The following FRMPD4 variants were observed in gnomAD, a reference collection of about 807,000 sequenced individuals.
The protein encoded by FRMPD4 is FERM and PDZ domain containing 4.
FRMPD4 carries 22 observed loss-of-function variants against 94.1 expected under a neutral mutation model. That is an observed-to-expected ratio of 0.23 (90% CI 0.17 to 0.33). FRMPD4 has a LOEUF of 0.33. Ranked by LOEUF, FRMPD4 falls within the 10% of genes least tolerant of loss-of-function variation. The pLI, the probability that FRMPD4 is intolerant of heterozygous loss-of-function variation, is 1.00. For missense variants in FRMPD4, 1,111 were observed against 1,339.9 expected (o/e 0.83, Z 2.67); for synonymous variants, 631 against 548.6 (o/e 1.15, Z -2.10).
At chrX:12,522,428 G>A (rs1170087772) in intron 2 of FRMPD4, among the ~76,000 whole-genome samples, 2 of 111,074 alleles carry the variant, frequency 1.8e-5, no homozygotes, top group African/African-American at 6.6e-5. Context: ...GGCTTTGAAG[G>A]ACCACATAGA....
intron 2 of FRMPD4, among the ~76,000 whole-genome samples, chrX:12,560,673 G>T (rs926408044): frequency 1.0e-5 from 1 of 100,339 alleles, no homozygotes; most frequent in Non-Finnish European, 2.0e-5. Flanking sequence ...ATTGGCATGT[G>T]TATATTTTTT....
At chrX:12,003,720 T>A (rs1353855851) in intron 3 of FRMPD4, among the ~76,000 whole-genome samples, 1 of 112,511 alleles carries the variant, frequency 8.9e-6, no homozygotes, top group Non-Finnish European at 1.9e-5. Flanking sequence ...AAGTATATAT[T>A]GAGATTCTGT....
intron 3 of FRMPD4, among the ~76,000 whole-genome samples, chrX:11,890,752 C>T (rs1475591675): frequency 8.9e-6 from 1 of 112,536 alleles, no homozygotes; most frequent in East Asian, 2.8e-4. Flanking sequence ...ATTGCATGCT[C>T]TTAATTATGG....
intron 1 of FRMPD4, among the ~76,000 whole-genome samples, chrX:12,384,179 G>C (rs1241539960): frequency 1.8e-5 from 2 of 111,695 alleles, no homozygotes; most frequent in African/African-American, 6.5e-5. Flanking sequence ...TCGTATTGTA[G>C]AATTTGACCT....
chrX:12,050,953 A>G (rs986873911), intron 3 of FRMPD4, among the ~76,000 whole-genome samples: 3 of 111,811 alleles, frequency 2.7e-5, no homozygotes, highest in Non-Finnish European at 3.8e-5. Context: ...ATAAATTGTG[A>G]TACATTACTA....
intron 2 of FRMPD4, among the ~76,000 whole-genome samples, chrX:12,553,971 A>T (rs2058567947): frequency 9.0e-6 from 1 of 111,714 alleles, no homozygotes; most frequent in Admixed American, 9.6e-5. Context: ...TATGGTGGAC[A>T]TAGGTTTTGT....
chrX:12,359,743 C>T (rs1234265458), intron 1 of FRMPD4, among the ~76,000 whole-genome samples: 1 of 112,136 alleles, frequency 8.9e-6, no homozygotes, highest in East Asian at 2.8e-4. Context: ...GCTGGGATTA[C>T]AGGCGTGAGC....
intron 3 of FRMPD4, among the ~76,000 whole-genome samples, chrX:11,963,216 G>T (rs189293903): frequency 3.8e-4 from 43 of 112,521 alleles, no homozygotes; most frequent in African/African-American, 1.4e-3. Flanking sequence ...GAGGGCTGGA[G>T]CCACTCACTC....
In FRMPD4 at chrX:12,407,720, G is replaced by A. The variant is rs144795660; in HGVS notation, c.42-90960G>A. On this transcript the variant is annotated intron_variant, in intron 1 of 16. Coordinates refer to ENST00000675598, the MANE Select transcript of FRMPD4 (RefSeq NM_001368397.1). Reference sequence around the variant, plus strand: ...TTTAGCTTTGCAAATCATGTAAGCCGTCACAGCTACTTAACTTTGCTCTTA... The same window carrying A: ...TTTAGCTTTGCAAATCATGTAAGCCATCACAGCTACTTAACTTTGCTCTTA... Among the ~76,000 whole-genome samples, 532 of 111,641 alleles carry A rather than the reference G, an allele frequency of 4.8e-3. 1 individual carries two copies. Among genetic ancestry groups the A allele is most frequent in the Middle Eastern group, 0.014 (3 of 218 alleles).
chrX:12,238,400 A>G (rs2057095110), intron 1 of FRMPD4, among the ~76,000 whole-genome samples: 3 of 111,645 alleles, frequency 2.7e-5, no homozygotes, highest in Admixed American at 1.9e-4. Flanking sequence ...CAGCCTCCCA[A>G]AGTGCTGGGA....
chrX:12,672,197 G>C (rs888266628), intron 4 of FRMPD4, among the ~76,000 whole-genome samples: 4 of 112,253 alleles, frequency 3.6e-5, no homozygotes, highest in Non-Finnish European at 7.5e-5. Context: ...TCTGTCCGTG[G>C]AAGGTGATGT....
chrX:12,359,571 G>T (rs1239924422), intron 1 of FRMPD4, among the ~76,000 whole-genome samples: 1 of 109,011 alleles, frequency 9.2e-6, no homozygotes, highest in African/African-American at 3.4e-5. Flanking sequence ...AGGTTTGAGC[G>T]ATTCTCCTGC....
intron 1 of FRMPD4, among the ~76,000 whole-genome samples, chrX:12,380,761 G>A (rs914873087): frequency 8.9e-6 from 1 of 112,180 alleles, no homozygotes; most frequent in African/African-American, 3.2e-5. Context: ...AAGCAATTGT[G>A]ATATCTTATA....
chrX:12,389,189 A>G (rs1028427977), intron 1 of FRMPD4, among the ~76,000 whole-genome samples: 3 of 109,925 alleles, frequency 2.7e-5, no homozygotes, highest in Admixed American at 9.7e-5. Context: ...AATTGCTGAG[A>G]GTGGCTGGGC....
intron 1 of FRMPD4, among the ~76,000 whole-genome samples, chrX:12,290,833 G>A (rs1381235573): frequency 9.7e-6 from 1 of 102,925 alleles, no homozygotes; most frequent in African/African-American, 3.6e-5. Flanking sequence ...ACATATAGGT[G>A]ACCTTATATT....
rs189402983 is a variant in FRMPD4 at position 12,492,229 on chromosome X, G to A, written c.42-6451G>A. Among the ~76,000 whole-genome samples the A allele has an allele frequency of 1.7e-3, 194 of 112,015 alleles. 1 individual carries two copies. Among genetic ancestry groups the A allele is most frequent in the African/African-American group, 6.0e-3 (186 of 30,903 alleles). The stretch of plus-strand genomic sequence containing the variant: ...ATTCTGTCACTGGATTGTTCACAAA[G>A]TGAGGCTGAACTTTGTAAGTAGAAA... On this transcript the variant is annotated intron_variant, in intron 1 of 16. Coordinates refer to ENST00000675598, the MANE Select transcript of FRMPD4 (RefSeq NM_001368397.1).
In FRMPD4 at chrX:12,495,749, A is replaced by T. The variant is rs183476407; in HGVS notation, c.42-2931A>T. Reference sequence around the variant, plus strand: ...TAAAAATAAAAAATAATAATAATAAAAAAAAAGGTAGAGTTATGTGGAGCA... The same window carrying T: ...TAAAAATAAAAAATAATAATAATAATAAAAAAGGTAGAGTTATGTGGAGCA... On this transcript the variant is annotated intron_variant, in intron 1 of 16. Transcript: ENST00000675598. Among the ~76,000 whole-genome samples the T allele has an allele frequency of 4.5e-3, 503 of 111,593 alleles. 15 individuals are homozygous for T. Among genetic ancestry groups the T allele is most frequent in the Admixed American group, 0.038 (402 of 10,495 alleles).
At chrX:11,848,742 A>C (rs1267212194) in intron 1 of FRMPD4, among the ~76,000 whole-genome samples, 1 of 110,896 alleles carries the variant, frequency 9.0e-6, no homozygotes, top group Non-Finnish European at 1.9e-5. Flanking sequence ...GCTTGCTGCA[A>C]ACAAAACAGA....
chrX:12,274,934 G>C (rs920481982), intron 1 of FRMPD4, among the ~76,000 whole-genome samples: 9 of 112,039 alleles, frequency 8.0e-5, no homozygotes, highest in African/African-American at 2.9e-4. Context: ...GCGTGAACCC[G>C]GGAGGCGGAG....
Sources: gnomAD v4.1 joint callset for allele counts (sites outside exome capture counted in the v4.1 genomes callset) on GRCh38, gnomAD v4.1.1 for gene constraint, MANE v1.5 for transcripts, NCBI Gene and HGNC (gene_info 2026-07-23, HGNC 2026-07-21) for gene names.